Variants in EEA1 observed in about 807,000 individuals in gnomAD.
The protein encoded by EEA1 is early endosome antigen 1, 162kD.
Under a neutral mutation model 209.2 loss-of-function variants are expected in EEA1, and 111 were observed. The observed-to-expected ratio is 0.53, with a 90% CI of 0.45 to 0.62. EEA1 has a LOEUF of 0.62. EEA1 is among the 20% of genes least tolerant of loss of function. The probability of loss-of-function intolerance (pLI) is 0.00; values close to 1 mark genes in which losing one functional copy is unlikely to be tolerated. For missense variants in EEA1, 1,343 were observed against 1,530.8 expected (o/e 0.88, Z 2.05); for synonymous variants, 536 against 540.6 (o/e 0.99, Z 0.12).
intron 11 of EEA1, among the ~76,000 whole-genome samples, chr12:92,831,943 C>T (rs1336375662): frequency 3.3e-5 from 5 of 150,208 alleles, no homozygotes; most frequent in Admixed American, 2.6e-4. Context: ...AAAAATTAGC[C>T]GGGCGCGGTG....
intron 1 of EEA1, among the ~76,000 whole-genome samples, chr12:92,925,142 T>C (rs1287421387): frequency 1.3e-5 from 2 of 151,272 alleles, no homozygotes; most frequent in Admixed American, 6.6e-5. Flanking sequence ...TTACCCATCA[T>C]TGTCTGCACA....
chr12:92,781,412 A>G (rs1873898512), intron 23 of EEA1, among the ~76,000 whole-genome samples: 2 of 152,302 alleles, frequency 1.3e-5, no homozygotes, highest in Middle Eastern at 3.4e-3. Context: ...GATTTCAACT[A>G]TAAAACAAAA....
chr12:92,897,295 A>G (rs1879926570), intron 1 of EEA1, among the ~76,000 whole-genome samples: 1 of 152,226 alleles, frequency 6.6e-6, no homozygotes, highest in Admixed American at 6.5e-5. Context: ...GCATAGAAGT[A>G]TAACTGTGTA....
At chr12:92,886,579 G>GGGGAGGGGAGAGAAGGGAA (rs1879411603) in intron 2 of EEA1, among the ~76,000 whole-genome samples, 1 of 81,582 alleles carries the variant, frequency 1.2e-5, no homozygotes, top group African/African-American at 5.5e-5. Flanking sequence ...AGAGAAGGGA[G>GGGGAGGGGAGAGAAGGGAA]GGGAGGGGAG....
At chr12:92,875,244 G>A (rs1878833256) in intron 2 of EEA1, among the ~76,000 whole-genome samples, 1 of 152,108 alleles carries the variant, frequency 6.6e-6, no homozygotes, top group South Asian at 2.1e-4. Context: ...AAGGTCAAGA[G>A]ATCAAGACTA....
chr12:92,829,193 G>A (rs1452470930), intron 11 of EEA1, among the ~76,000 whole-genome samples: 1 of 152,104 alleles, frequency 6.6e-6, no homozygotes, highest in Non-Finnish European at 1.5e-5. Flanking sequence ...TGTAATCCCA[G>A]CTACTCAGGA....
intron 1 of EEA1, among the ~76,000 whole-genome samples, chr12:92,911,515 G>A (rs1479020756): frequency 2.0e-5 from 3 of 152,160 alleles, no homozygotes; most frequent in African/African-American, 4.8e-5. Flanking sequence ...AAAACACAGT[G>A]GATTTGTACA....
chr12:92,798,749 T>C lies in EEA1; in HGVS notation c.2967+143A>G, dbSNP rs1385502655. 2.0e-5 allele frequency: 10 copies of C among 505,796 alleles called. No homozygotes were observed. In the South Asian group the frequency reaches 4.3e-4, roughly 22 times the overall value. The allele number at this position is 505,796 out of a possible 1,614,324, so 31.3% of individuals were successfully genotyped here. A position where few individuals can be genotyped will look rare whatever the true frequency, so the allele number is the denominator to read the frequency against. On this transcript the variant is annotated intron_variant, in intron 21 of 28. Transcript: ENST00000322349. Reference sequence around the variant, plus strand: ...TCAGGTATTTGATAATATAGTCAAATGCTTTCATATATTAAACTTAGAAAA... The same window carrying C: ...TCAGGTATTTGATAATATAGTCAAACGCTTTCATATATTAAACTTAGAAAA...
At chr12:92,835,364 C>T (rs1457588487) in intron 10 of EEA1, 1 of 309,722 alleles carries the variant, frequency 3.2e-6, no homozygotes, top group East Asian at 1.0e-4. Context: ...CAACTAATCC[C>T]ACCTTTCTAT....
intron 22 of EEA1, among the ~76,000 whole-genome samples, chr12:92,783,480 G>A (rs1039174252): frequency 1.3e-5 from 2 of 152,168 alleles, no homozygotes; most frequent in South Asian, 2.1e-4. Context: ...CTGACAACCT[G>A]ATCAAGTGAA....
At chr12:92,894,844 A>G (rs896158107) in intron 1 of EEA1, among the ~76,000 whole-genome samples, 2 of 152,368 alleles carry the variant, frequency 1.3e-5, no homozygotes, top group East Asian at 3.9e-4. Flanking sequence ...CAGATTTTCA[A>G]TTCAGAAAAA....
At chr12:92,911,002 T>G (rs777144207) in intron 1 of EEA1, among the ~76,000 whole-genome samples, 2 of 152,174 alleles carry the variant, frequency 1.3e-5, no homozygotes, top group Non-Finnish European at 2.9e-5. Flanking sequence ...GACAAGGATG[T>G]GGAGAAATAG....
intron 1 of EEA1, among the ~76,000 whole-genome samples, chr12:92,923,069 C>A (rs1411599134): frequency 6.7e-6 from 1 of 148,396 alleles, no homozygotes; most frequent in African/African-American, 2.5e-5. Flanking sequence ...ATTCTCTGGC[C>A]GGGCGCGGTG....
chr12:92,858,079 A>T (rs1877966527), intron 3 of EEA1: 1 of 458,930 alleles, frequency 2.2e-6, no homozygotes, highest in African/African-American at 2.0e-5. Context: ...ACCAACACCA[A>T]CATGAACGGG....
chr12:92,854,675 G>C (rs953693588), intron 5 of EEA1, among the ~76,000 whole-genome samples: 7 of 152,130 alleles, frequency 4.6e-5, no homozygotes, highest in Non-Finnish European at 1.0e-4. Context: ...TATCCTATTG[G>C]CCTTAGATCT....
intron 25 of EEA1, among the ~76,000 whole-genome samples, chr12:92,778,549 C>G (rs1169524137): frequency 6.6e-6 from 1 of 152,008 alleles, no homozygotes; most frequent in Admixed American, 6.6e-5. Flanking sequence ...TTTTCTCTAT[C>G]AGTCTGCCAA....
chr12:92,924,434 C>G (rs1416266967), intron 1 of EEA1, among the ~76,000 whole-genome samples: 2 of 152,012 alleles, frequency 1.3e-5, no homozygotes, highest in Non-Finnish European at 2.9e-5. Flanking sequence ...GTCTCAAACT[C>G]CTGACCTCAG....
chr12:92,787,753 G>A, intron 22 of EEA1, 114 bp downstream of exon 22: 1 of 842,430 alleles, frequency 1.2e-6, no homozygotes, highest in Non-Finnish European at 1.6e-6. Context: ...ATAGAAAACA[G>A]CACACTATTC....
At chr12:92,811,208 C>T (rs1263107822) in intron 17 of EEA1, 71 bp downstream of exon 17, 6 of 1,062,686 alleles carry the variant, frequency 5.6e-6, no homozygotes, top group Non-Finnish European at 7.4e-6. Context: ...TCTTTGATTC[C>T]ATGTAGGTCA....
Sources: allele counts gnomAD v4.1 joint callset (sites outside exome capture counted in the v4.1 genomes callset), GRCh38; gene constraint gnomAD v4.1.1; transcripts MANE v1.5; gene names NCBI Gene and HGNC (gene_info 2026-07-23, HGNC 2026-07-21).